The following NOMO3 variants were observed in gnomAD, a reference collection of about 807,000 sequenced individuals.
NOMO3 encodes NODAL modulator 3, also known as BOS complex subunit NOMO3.
In NOMO3, 15 loss-of-function variants were observed where a neutral mutation model predicts 69.9. That is an observed-to-expected ratio of 0.21 (90% CI 0.14 to 0.33). The LOEUF (loss-of-function observed/expected upper bound fraction) is 0.33. Ranked by LOEUF, NOMO3 falls within the 10% of genes least tolerant of loss-of-function variation. The pLI is 1.00. For missense variants in NOMO3, 218 were observed against 761.0 expected (o/e 0.29, Z 8.39); for synonymous variants, 89 against 301.9 (o/e 0.29, Z 7.31).
chr16:16,265,637 G>GACATATAT (rs2049607065), intron 15 of NOMO3, among the ~76,000 whole-genome samples: 2 of 42,380 alleles, frequency 4.7e-5, no homozygotes, highest in Non-Finnish European at 7.1e-5. Context: ...GAGTTTCTCT[G>GACATATAT]ATATATATAT....
At chr16:16,249,555 T>G (rs1166829513) in intron 6 of NOMO3, among the ~76,000 whole-genome samples, 2 of 132,398 alleles carry the variant, frequency 1.5e-5, no homozygotes, top group Non-Finnish European at 3.0e-5. Context: ...GCACTTCAGC[T>G]TGGGTGACAG....
intron 14 of NOMO3, among the ~76,000 whole-genome samples, chr16:16,264,801 G>A (rs1265946354): frequency 1.5e-5 from 2 of 136,322 alleles, no homozygotes; most frequent in Non-Finnish European, 3.1e-5. Flanking sequence ...ACTGCCGTCG[G>A]CCTCCCAGAG....
intron 17 of NOMO3, 80 bp downstream of exon 17, chr16:16,270,264 G>C (rs2049652001): frequency 3.8e-6 from 6 of 1,583,150 alleles, no homozygotes; most frequent in Non-Finnish European, 5.1e-6. Flanking sequence ...AGAACAAAAG[G>C]AGTTTTTCTG....
chr16:16,240,128 A>C (rs1426173921), intron 3 of NOMO3, among the ~76,000 whole-genome samples: 1 of 143,982 alleles, frequency 6.9e-6, no homozygotes, highest in Non-Finnish European at 1.5e-5. Flanking sequence ...CTTTTCTTCT[A>C]CCTTTCTGGA....
chr16:16,273,096 AT>A (rs2049671039), intron 18 of NOMO3, among the ~76,000 whole-genome samples: 1 of 112,300 alleles, frequency 8.9e-6, no homozygotes, highest in Non-Finnish European at 1.9e-5. Flanking sequence ...TGCGTGGCGC[AT>A]TCTCTCCCTT....
chr16:16,237,120 T>A, intron 2 of NOMO3, 130 bp downstream of exon 2: 1 of 828,784 alleles, frequency 1.2e-6, no homozygotes, highest in South Asian at 1.7e-5. Flanking sequence ...AATATGATAA[T>A]CCTAGCCACA....
intron 3 of NOMO3, among the ~76,000 whole-genome samples, chr16:16,242,449 G>A (rs1344469986): frequency 1.4e-5 from 2 of 140,042 alleles, no homozygotes; most frequent in South Asian, 2.3e-4. Flanking sequence ...CCAGTTTTTC[G>A]GAGAAGTTGG....
In NOMO3 at chr16:16,235,538, G is replaced by T. The variant is rs569176544; in HGVS notation, c.166-1363G>T. ...TTATTTTATTTTGTTTTATTTTGAG[G>T]CAGGGTCTCACACTGTTGCTCAGGC... On this transcript the variant is annotated intron_variant, in intron 1 of 30. Coordinates refer to ENST00000399336, the MANE Select transcript of NOMO3 (RefSeq NM_001004067.4). Among the ~76,000 whole-genome samples, 11 of 146,978 alleles carry T rather than the reference G, an allele frequency of 7.5e-5. 1 individual carries two copies. In the East Asian group the frequency reaches 2.3e-3, roughly 31 times the overall value.
In NOMO3 at chr16:16,234,520, A is replaced by G. The variant is rs930186202; in HGVS notation, c.165+1689A>G. Among the ~76,000 whole-genome samples, 7 of 141,356 alleles carry G rather than the reference A, an allele frequency of 5.0e-5. 1 individual carries two copies. Among genetic ancestry groups the G allele is most frequent in the Non-Finnish European group, 9.1e-5 (6 of 65,958 alleles). The allele number at this position is 141,356 out of a possible 152,430, so 92.7% of individuals were successfully genotyped here. A position where few individuals can be genotyped will look rare whatever the true frequency, so the allele number is the denominator to read the frequency against. ...TACTGGCCATCTTGATGTAGATTAC[A>G]TTGCCATCCTGTGTCCTGATTGTAC... On this transcript the variant is annotated intron_variant, in intron 1 of 30. Coordinates refer to ENST00000399336, the MANE Select transcript of NOMO3 (RefSeq NM_001004067.4).
At chr16:16,267,415 C>A in intron 16 of NOMO3, 1 of 448,978 alleles carries the variant, frequency 2.2e-6, no homozygotes, top group Non-Finnish European at 3.8e-6. Flanking sequence ...TCAGTGGCTT[C>A]TCGCTCTTTC....
In NOMO3 at chr16:16,237,702, C is replaced by T. The variant is rs1336506078; in HGVS notation, c.255+712C>T. 1.4e-5 allele frequency among the ~76,000 whole-genome samples: 2 copies of T among 143,770 alleles called. 1 individual carries two copies. The highest frequency in any genetic ancestry group is 5.6e-5 in the African/African-American group (2 of 35,518). 94.3% of individuals were successfully genotyped at this position (143,770 alleles called of 152,430 possible). On this transcript the variant is annotated intron_variant, in intron 2 of 30. Transcript: ENST00000399336. ...TAGCTGGGATTACAGGCATCTGCCA[C>T]TACACCCAGCTAATGTTTTGTATTT... is the stretch of plus-strand genomic sequence containing the variant.
intron 3 of NOMO3, among the ~76,000 whole-genome samples, chr16:16,242,784 A>G (rs1317231239): frequency 7.0e-6 from 1 of 143,846 alleles, no homozygotes; most frequent in African/African-American, 2.8e-5. Flanking sequence ...AATTGTGAGG[A>G]TTAAAGGCAC....
rs1388599817 is a variant in NOMO3, at chr16:16,232,541, T to C, written c.-126T>C. ...CGAAGCGCGCGTGCGCGGCGGCGGC[T>C]GGCGGCGGCGGTGGGGCGGGGCCTG... On this transcript the variant is annotated 5_prime_UTR_variant, in exon 1 of 31. Coordinates refer to ENST00000399336, the MANE Select transcript of NOMO3 (RefSeq NM_001004067.4). 7.3e-6 allele frequency: 9 copies of C among 1,231,372 alleles called. No homozygotes were observed. Among genetic ancestry groups the C allele is most frequent in the Admixed American group, 4.3e-5 (1 of 23,122 alleles). The allele number at this position is 1,231,372 out of a possible 1,614,324, so 76.3% of individuals were successfully genotyped here.
intron 2 of NOMO3, among the ~76,000 whole-genome samples, chr16:16,237,751 T>G (rs1324688777): frequency 1.4e-5 from 2 of 144,178 alleles, no homozygotes; most frequent in Non-Finnish European, 3.0e-5. Flanking sequence ...GGTTTTGCCA[T>G]GTTGGCTAGG....
intron 2 of NOMO3, among the ~76,000 whole-genome samples, chr16:16,237,547 G>GT (rs377365326): frequency 0.033 from 4,531 of 135,572 alleles, 356 homozygotes; most frequent in Middle Eastern, 0.088. Context: ...TTTTTTTGTT[G>GT]TTTTTTTTTT....
In NOMO3 at chr16:16,263,188, T is replaced by A. The variant is rs2049579337; in HGVS notation, c.1510T>A (p.Ser504Thr). Residue 504 changes from serine (S) to threonine (T), a missense_variant, in exon 13 of 31, where the codon TCA (serine) becomes ACA (threonine). Physicochemically the swap from Ser to Thr is moderately conservative, Grantham distance 58. Coordinates refer to ENST00000399336, the MANE Select transcript of NOMO3 (RefSeq NM_001004067.4). ...MDVAFVQFLA[S>T]VSGKVSCLDT... ...TGTGGCCTTTGTACAGTTCTTGGCA[T>A]CAGTTTCTGGGAAAGTCTCTTGTTT... The A allele has an allele frequency of 6.3e-7, 1 of 1,593,036 alleles. No homozygotes were observed. The highest frequency in any genetic ancestry group is 1.7e-5 in the Admixed American group (1 of 58,984).
At chr16:16,245,348 G>A (rs942848812) in intron 5 of NOMO3, among the ~76,000 whole-genome samples, 174 bp downstream of exon 5, 1 of 143,436 alleles carries the variant, frequency 7.0e-6, no homozygotes, top group African/African-American at 2.8e-5. Flanking sequence ...ATGTGAAATG[G>A]AATCCATTTG....
Position 16,266,052 on chromosome 16 carries a change from C to T in NOMO3, c.1806+873C>T, listed in dbSNP as rs1339487145. ...GAAGCTGTAAACAGGATCTTAGCTT[C>T]TTGTTGACTGTGGTCTCTGTGGCCT... On this transcript the variant is annotated intron_variant, in intron 15 of 30. Coordinates refer to ENST00000399336, the MANE Select transcript of NOMO3 (RefSeq NM_001004067.4). Among the ~76,000 whole-genome samples, 106 of 143,728 alleles carry T rather than the reference C, an allele frequency of 7.4e-4. 5 individuals are homozygous for T. The highest frequency in any genetic ancestry group is 3.0e-3 in the African/African-American group (105 of 34,800). The allele number at this position is 143,728 out of a possible 152,430, so 94.3% of individuals were successfully genotyped here.
chr16:16,248,095 T>C (rs2049427156), intron 6 of NOMO3, among the ~76,000 whole-genome samples: 1 of 115,542 alleles, frequency 8.7e-6, no homozygotes, highest in African/African-American at 4.3e-5. Flanking sequence ...TTTTTTTTTT[T>C]TTTTTTTTAA....
Sources: allele counts gnomAD v4.1 joint callset (sites outside exome capture counted in the v4.1 genomes callset), GRCh38; gene constraint gnomAD v4.1.1; transcripts MANE v1.5; gene names NCBI Gene and HGNC (gene_info 2026-07-23, HGNC 2026-07-21).